The following CDH13 variants were observed in gnomAD, a reference collection of about 807,000 sequenced individuals.
CDH13 encodes the protein cadherin 13.
CDH13 carries 24 observed loss-of-function variants against 63.8 expected under a neutral mutation model. The ratio of observed to expected loss-of-function variants is 0.38; its 90% CI spans 0.27 to 0.53. The LOEUF is 0.53. Ranked by LOEUF, CDH13 falls within the 20% of genes least tolerant of loss-of-function variation. The pLI is 0.85. For missense variants in CDH13, 1,049 were observed against 903.1 expected, an observed-to-expected ratio of 1.16 and a Z score of -2.07; for synonymous variants, 503 against 355.3, an observed-to-expected ratio of 1.42 and a Z score of -4.67.
intron 5 of CDH13, among the ~76,000 whole-genome samples, chr16:83,306,822 A>C (rs938269022): frequency 6.6e-6 from 1 of 152,178 alleles, no homozygotes; most frequent in African/African-American, 2.4e-5. Flanking sequence ...TGGGAAGCAC[A>C]TGAAATTGGA....
At chr16:83,460,605 C>A (rs2073150940) in intron 6 of CDH13, among the ~76,000 whole-genome samples, 2 of 151,996 alleles carry the variant, frequency 1.3e-5, no homozygotes, top group Non-Finnish European at 2.9e-5. Context: ...CAGATGATTT[C>A]ATTTATATAG....
chr16:82,928,269 A>C (rs2042368903), intron 2 of CDH13, among the ~76,000 whole-genome samples: 1 of 152,248 alleles, frequency 6.6e-6, no homozygotes. Flanking sequence ...TCATTTGACC[A>C]GTCCTGTAAT....
At chr16:83,191,094 A>G (rs561208407) in intron 4 of CDH13, among the ~76,000 whole-genome samples, 1 of 151,228 alleles carries the variant, frequency 6.6e-6, no homozygotes, top group South Asian at 2.1e-4. Context: ...TATTACTTGG[A>G]TAGTTTCTTA....
At chr16:82,991,170 A>G (rs920530755) in intron 2 of CDH13, among the ~76,000 whole-genome samples, 18 of 152,320 alleles carry the variant, frequency 1.2e-4, no homozygotes, top group Middle Eastern at 3.4e-3. Context: ...GGCCTGGAAA[A>G]CTATTTCAAA....
chr16:82,801,737 A>T (rs1248254194), intron 1 of CDH13, among the ~76,000 whole-genome samples: 3 of 152,194 alleles, frequency 2.0e-5, no homozygotes, highest in Admixed American at 6.5e-5. Flanking sequence ...TTACTTCAAT[A>T]CTTTTACCCA....
At chr16:83,781,023 A>T (rs1242227107) in intron 12 of CDH13, among the ~76,000 whole-genome samples, 1 of 152,122 alleles carries the variant, frequency 6.6e-6, no homozygotes, top group Non-Finnish European at 1.5e-5. Context: ...CTCAGACTTG[A>T]CTTGGTTTAA....
chr16:82,798,181 C>T (rs897377986), intron 1 of CDH13, among the ~76,000 whole-genome samples: 2 of 152,142 alleles, frequency 1.3e-5, no homozygotes, highest in Non-Finnish European at 2.9e-5. Context: ...CTTGAAACAC[C>T]GTCTCATTTA....
chr16:82,900,417 T>C (rs2041423077), intron 2 of CDH13, among the ~76,000 whole-genome samples: 1 of 72,828 alleles, frequency 1.4e-5, no homozygotes, highest in African/African-American at 5.8e-5. Context: ...TGTGGCCTGG[T>C]TCAAGAAGTA....
At chr16:83,758,342 G>C (rs1913683957) in intron 11 of CDH13, among the ~76,000 whole-genome samples, 1 of 151,792 alleles carries the variant, frequency 6.6e-6, no homozygotes, top group Non-Finnish European at 1.5e-5. Flanking sequence ...AAATATTAAT[G>C]AATCCCACAA....
intron 7 of CDH13, among the ~76,000 whole-genome samples, chr16:83,587,203 G>T (rs1906250240): frequency 6.6e-6 from 1 of 152,202 alleles, no homozygotes; most frequent in African/African-American, 2.4e-5. Flanking sequence ...ATGGGAACAG[G>T]TTCGAGGGAA....
chr16:82,719,667 G>T (rs1027324587), intron 1 of CDH13, among the ~76,000 whole-genome samples: 1 of 152,044 alleles, frequency 6.6e-6, no homozygotes, highest in African/African-American at 2.4e-5. Context: ...CCAAGGTGGT[G>T]AAACCCCGTC....
intron 1 of CDH13, among the ~76,000 whole-genome samples, chr16:82,746,868 A>G (rs577750648): frequency 1.3e-5 from 2 of 152,294 alleles, no homozygotes; most frequent in South Asian, 4.1e-4. Context: ...CTTATAATGT[A>G]ACTCCCTGGA....
intron 1 of CDH13, among the ~76,000 whole-genome samples, chr16:82,819,085 GT>G (rs1413748716): frequency 1.3e-5 from 2 of 152,172 alleles, no homozygotes; most frequent in Non-Finnish European, 2.9e-5. Flanking sequence ...AGAAGATTGA[GT>G]TTTATGAGAG....
At position 83,569,874 on chromosome 16, in the gene CDH13, C is replaced by G. The variant is rs12925415; in HGVS notation, c.961-32580C>G. ...GCCTCAGCCTTCCGAGTAGCTGGGA[C>G]TACAGGTGCACGCCACCATGCCAGG... On this transcript the variant is annotated intron_variant, in intron 7 of 13. Transcript: ENST00000567109. Among the ~76,000 whole-genome samples, 3 of 152,018 alleles carry G rather than the reference C, an allele frequency of 2.0e-5. No homozygotes were observed. The South Asian group carries it at 6.3e-4, about 32-fold the overall frequency.
chr16:83,519,342 C>CAAACACAA (rs2074775361), intron 7 of CDH13, among the ~76,000 whole-genome samples: 2 of 152,176 alleles, frequency 1.3e-5, no homozygotes, highest in African/African-American at 4.8e-5. Context: ...GAACACAACA[C>CAAACACAA]AGCCTCTGTT....
intron 3 of CDH13, among the ~76,000 whole-genome samples, chr16:83,052,985 G>C (rs546796623): frequency 6.6e-6 from 1 of 151,774 alleles, no homozygotes; most frequent in African/African-American, 2.4e-5. Flanking sequence ...AGGCAATGCA[G>C]TGAGACCATA....
intron 3 of CDH13, among the ~76,000 whole-genome samples, chr16:83,076,572 C>G (rs2032856132): frequency 6.6e-6 from 1 of 152,074 alleles, no homozygotes; most frequent in African/African-American, 2.4e-5. Flanking sequence ...TGCCCATAAC[C>G]TCGATTCTAC....
chr16:82,878,213 C>A (rs2151199330), intron 2 of CDH13, among the ~76,000 whole-genome samples: 1 of 151,966 alleles, frequency 6.6e-6, no homozygotes, highest in Non-Finnish European at 1.5e-5. Context: ...GGGTGGGTGG[C>A]AATGCTCCTT....
intron 5 of CDH13, among the ~76,000 whole-genome samples, chr16:83,236,292 A>G (rs1013686730): frequency 4.0e-5 from 6 of 150,632 alleles, no homozygotes. Flanking sequence ...GGGAGCATTT[A>G]AGATACTCTG....
Sources: gnomAD v4.1 joint callset for allele counts (sites outside exome capture counted in the v4.1 genomes callset) on GRCh38, gnomAD v4.1.1 for gene constraint, MANE v1.5 for transcripts, NCBI Gene and HGNC (gene_info 2026-07-23, HGNC 2026-07-21) for gene names.